Variants in VWA8 observed in about 807,000 individuals in gnomAD.
VWA8 encodes von Willebrand factor A domain-containing protein 8.
A neutral mutation model predicts 241.5 loss-of-function variants in VWA8; 221 were observed. The ratio of observed to expected loss-of-function variants is 0.91; its 90% CI spans 0.82 to 1.02. VWA8 has a LOEUF of 1.02. Ranked by LOEUF, VWA8 falls within the 50% of genes least tolerant of loss-of-function variation. VWA8 has a pLI of 0.00. For synonymous variants in VWA8, 852 were observed against 827.1 expected (o/e 1.03, Z -0.52); for missense variants, 2,322 against 2,328.7 (o/e 1.00, Z 0.06).
intron 19 of VWA8, among the ~76,000 whole-genome samples, chr13:41,782,453 C>T (rs903694517): frequency 5.9e-5 from 9 of 152,114 alleles, no homozygotes; most frequent in Admixed American, 3.9e-4. Context: ...TCCTCATAAT[C>T]ATGTTTTTGC....
intron 42 of VWA8, among the ~76,000 whole-genome samples, chr13:41,583,361 G>A (rs535947717): frequency 1.1e-4 from 17 of 152,178 alleles, no homozygotes; most frequent in African/African-American, 2.6e-4. Flanking sequence ...AAACAGCCTA[G>A]GGCCAGGTGC....
chr13:41,887,227 T>C lies in VWA8; in HGVS notation c.786A>G (p.Gln262=), dbSNP rs1042443626. The C allele has an allele frequency of 6.2e-7, 1 of 1,613,398 alleles. No homozygotes were observed. The highest frequency in any genetic ancestry group is 8.5e-7 in the Non-Finnish European group (1 of 1,179,826). The change falls in exon 6 of 45, where the codon CAA becomes CAG. Residue 262 remains glutamine, a synonymous_variant. Transcript: ENST00000379310. The part of the protein sequence containing the change: ...PLDPPLRSRF[Q]ARDIYYLPFK... ...AGGGTAAATAATAAATATCCCTGGCTTGAAATCGAGAACGAAGAGGGGGGT... is the reference window on the plus strand; with the variant it reads ...AGGGTAAATAATAAATATCCCTGGCCTGAAATCGAGAACGAAGAGGGGGGT...
intron 14 of VWA8, among the ~76,000 whole-genome samples, chr13:41,820,309 C>T (rs1032315054): frequency 6.6e-5 from 10 of 152,102 alleles, no homozygotes. Context: ...GCCATTTCAC[C>T]ATTAACTATA....
intron 34 of VWA8, among the ~76,000 whole-genome samples, chr13:41,687,690 C>T (rs547086389): frequency 5.3e-5 from 8 of 152,156 alleles, no homozygotes; most frequent in African/African-American, 1.9e-4. Flanking sequence ...TATGAAAGGG[C>T]TTAGAGCAGC....
chr13:41,644,399 T>C (rs2044817265), intron 37 of VWA8, among the ~76,000 whole-genome samples: 1 of 152,252 alleles, frequency 6.6e-6, no homozygotes, highest in Non-Finnish European at 1.5e-5. Context: ...TTGAATAACA[T>C]TTTGTTCAAG....
At chr13:41,954,548 C>A (rs1878275858) in intron 1 of VWA8, among the ~76,000 whole-genome samples, 1 of 152,220 alleles carries the variant, frequency 6.6e-6, no homozygotes, top group Non-Finnish European at 1.5e-5. Context: ...TTTCCTCTAG[C>A]ACAAATTGAT....
chr13:41,618,617 TTA>T (rs2044636848), intron 37 of VWA8, among the ~76,000 whole-genome samples: 1 of 152,218 alleles, frequency 6.6e-6, no homozygotes, highest in Non-Finnish European at 1.5e-5. Context: ...GGTCTAACAT[TTA>T]AGTCTTTAAT....
At chr13:41,628,117 T>C (rs1172090724) in intron 37 of VWA8, among the ~76,000 whole-genome samples, 4 of 152,192 alleles carry the variant, frequency 2.6e-5, no homozygotes, top group African/African-American at 9.7e-5. Context: ...TGAGCTCCTA[T>C]GCTCAGGCCC....
At chr13:41,844,837 A>G (rs1357881423) in intron 12 of VWA8, among the ~76,000 whole-genome samples, 1 of 152,296 alleles carries the variant, frequency 6.6e-6, no homozygotes. Flanking sequence ...AATACATGTA[A>G]AAAAGGAGGT....
chr13:41,878,263 T>C (rs956582298), intron 9 of VWA8, among the ~76,000 whole-genome samples: 3 of 152,086 alleles, frequency 2.0e-5, no homozygotes, highest in Non-Finnish European at 2.9e-5. Flanking sequence ...TTTTACCTCT[T>C]CTAATTCAAA....
At chr13:41,766,312 C>T (rs2045778749) in intron 20 of VWA8, among the ~76,000 whole-genome samples, 1 of 151,992 alleles carries the variant, frequency 6.6e-6, no homozygotes, top group South Asian at 2.1e-4. Flanking sequence ...ATCCATGTTC[C>T]ATCAAAGGAG....
At chr13:41,792,237 TTTC>T in intron 17 of VWA8, among the ~76,000 whole-genome samples, 1 of 150,888 alleles carries the variant, frequency 6.6e-6, no homozygotes, top group East Asian at 2.0e-4. Flanking sequence ...ATGCCAGTGC[TTTC>T]TTAATCAAAA....
At chr13:41,678,316 A>G (rs1306292851) in intron 35 of VWA8, among the ~76,000 whole-genome samples, 2 of 152,248 alleles carry the variant, frequency 1.3e-5, no homozygotes, top group Admixed American at 1.3e-4. Flanking sequence ...AGCTGTCTTC[A>G]AGTGGCCATT....
intron 37 of VWA8, among the ~76,000 whole-genome samples, chr13:41,646,870 C>T (rs1159824040): frequency 6.6e-6 from 1 of 152,228 alleles, no homozygotes; most frequent in Non-Finnish European, 1.5e-5. Flanking sequence ...ACATGATCTG[C>T]AGACTCAATG....
intron 21 of VWA8, among the ~76,000 whole-genome samples, chr13:41,733,173 T>C (rs2045498530): frequency 6.6e-6 from 1 of 152,244 alleles, no homozygotes; most frequent in Non-Finnish European, 1.5e-5. Flanking sequence ...TGCCAAACTT[T>C]ACTACAATCT....
At chr13:41,568,654 C>T (rs990036193) in intron 44 of VWA8, among the ~76,000 whole-genome samples, 2 of 152,212 alleles carry the variant, frequency 1.3e-5, no homozygotes, top group African/African-American at 4.8e-5. Context: ...GGAATCAGCT[C>T]ACCTCCCGGG....
intron 4 of VWA8, among the ~76,000 whole-genome samples, chr13:41,906,645 C>T (rs1398754349): frequency 6.6e-6 from 1 of 152,144 alleles, no homozygotes; most frequent in Admixed American, 6.5e-5. Flanking sequence ...AACAATGTTA[C>T]ATTAAACATC....
chr13:41,755,840 C>T lies in VWA8; in HGVS notation c.2426+5288G>A, dbSNP rs1481843265. Among the ~76,000 whole-genome samples the T allele has an allele frequency of 3.3e-5, 5 of 151,584 alleles. No individual in the cohort carries two copies. The East Asian group carries it at 9.6e-4, about 29-fold the overall frequency. ...AAGAACTGAGACCCAAAGAAAGACT[C>T]AAAAATATATAGCTTCAAATGAGCA... On this transcript the variant is annotated intron_variant, in intron 21 of 44. Transcript: ENST00000379310.
chr13:41,637,017 G>A (rs1465561205), intron 37 of VWA8, among the ~76,000 whole-genome samples: 34 of 150,346 alleles, frequency 2.3e-4, no homozygotes, highest in Non-Finnish European at 5.9e-5. Flanking sequence ...TGATTCCTCA[G>A]GGATCTAGAA....
Sources: gnomAD v4.1 joint callset for allele counts (sites outside exome capture counted in the v4.1 genomes callset) on GRCh38, gnomAD v4.1.1 for gene constraint, MANE v1.5 for transcripts, NCBI Gene and HGNC (gene_info 2026-07-23, HGNC 2026-07-21) for gene names.